Variants in SLC25A26 observed in about 807,000 individuals in gnomAD.
SLC25A26 encodes mitochondrial S-adenosylmethionine carrier protein.
A neutral mutation model predicts 37.8 loss-of-function variants in SLC25A26; 36 were observed. The ratio of observed to expected loss-of-function variants is 0.95; its 90% CI spans 0.73 to 1.26. SLC25A26 has a LOEUF of 1.26. SLC25A26 is among the 50% of genes most tolerant of loss of function. SLC25A26 has a pLI of 0.00. For missense variants in SLC25A26, 390 were observed against 331.1 expected (o/e 1.18, Z -1.38); for synonymous variants, 129 against 122.5 (o/e 1.05, Z -0.35).
At chr3:66,190,567 T>G (rs2070921480) in intron 1 of SLC25A26, among the ~76,000 whole-genome samples, 1 of 152,156 alleles carries the variant, frequency 6.6e-6, no homozygotes, top group Admixed American at 6.5e-5. Flanking sequence ...TAGCTGGGAT[T>G]ACAGGTGTGC....
At position 66,296,754 on chromosome 3, in the gene SLC25A26, A is replaced by G. The variant is rs559638366; in HGVS notation, c.453+33375A>G. The stretch of plus-strand genomic sequence containing the variant: ...TTTAACTTAAGTTTCATAGTTTACT[A>G]CCTCTTTTGGCTCTTAACCATAATT... On this transcript the variant is annotated intron_variant, in intron 5 of 9. Coordinates refer to ENST00000354883, the MANE Select transcript of SLC25A26 (RefSeq NM_001379210.1). Among the ~76,000 whole-genome samples the G allele has an allele frequency of 1.0e-3, 153 of 152,340 alleles. 1 individual carries two copies. Among genetic ancestry groups the G allele is most frequent in the Middle Eastern group, 3.4e-3 (1 of 294 alleles).
Position 66,240,673 on chromosome 3 carries a change from T to C in SLC25A26, c.191-2530T>C, listed in dbSNP as rs140425056. On this transcript the variant is annotated intron_variant, in intron 2 of 9. Coordinates refer to ENST00000354883, the MANE Select transcript of SLC25A26 (RefSeq NM_001379210.1). ...ATGAATTTTAACTTTTTATATTTTA[T>C]GTTAGTAAATGATAAAATAGGCTAG... is the stretch of plus-strand genomic sequence containing the variant. Among the ~76,000 whole-genome samples, 161 of 152,238 alleles carry C rather than the reference T, an allele frequency of 1.1e-3. 2 individuals are homozygous for C. The highest frequency in any genetic ancestry group is 3.7e-3 in the African/African-American group (154 of 41,562).
intron 3 of SLC25A26, among the ~76,000 whole-genome samples, chr3:66,249,102 T>C (rs2072974297): frequency 1.3e-5 from 2 of 152,248 alleles, no homozygotes; most frequent in Admixed American, 1.3e-4. Flanking sequence ...ATTCTTTCTG[T>C]TCTCCTCAAA....
intron 5 of SLC25A26, among the ~76,000 whole-genome samples, chr3:66,342,458 T>C (rs186753611): frequency 6.6e-6 from 1 of 152,314 alleles, no homozygotes; most frequent in East Asian, 1.9e-4. Context: ...AATAGAATGT[T>C]AGGGCTAAAT....
chr3:66,338,037 G>A (rs1179504436), intron 5 of SLC25A26, among the ~76,000 whole-genome samples: 1 of 151,850 alleles, frequency 6.6e-6, no homozygotes, highest in African/African-American at 2.4e-5. Flanking sequence ...CTCATCTTCA[G>A]TCCCATTCTG....
intron 4 of SLC25A26, 142 bp from the exon 5 acceptor site, chr3:66,263,190 A>G (rs2073598193): frequency 3.0e-6 from 2 of 672,188 alleles, no homozygotes; most frequent in Non-Finnish European, 5.4e-6. Context: ...AGGACAGTTT[A>G]GAATCATTAA....
At chr3:66,324,513 T>G (rs2075785468) in intron 5 of SLC25A26, among the ~76,000 whole-genome samples, 1 of 152,188 alleles carries the variant, frequency 6.6e-6, no homozygotes, top group Non-Finnish European at 1.5e-5. Context: ...GCATGATTCC[T>G]GAGCCATAAT....
chr3:66,298,907 C>A (rs1228835473), intron 5 of SLC25A26, among the ~76,000 whole-genome samples: 1 of 152,188 alleles, frequency 6.6e-6, no homozygotes, highest in African/African-American at 2.4e-5. Context: ...TTTCCCTCCC[C>A]CAGATCCCAA....
intron 1 of SLC25A26, among the ~76,000 whole-genome samples, chr3:66,161,790 A>G (rs1559555722): frequency 6.6e-6 from 1 of 152,312 alleles, no homozygotes; most frequent in South Asian, 2.1e-4. Context: ...AGAGACACAC[A>G]GTCCCTGACT....
intron 5 of SLC25A26, among the ~76,000 whole-genome samples, chr3:66,315,335 T>G (rs1212795081): frequency 6.6e-6 from 1 of 152,210 alleles, no homozygotes; most frequent in East Asian, 1.9e-4. Context: ...TTGTTCTTAC[T>G]GATTTCAAAT....
intron 1 of SLC25A26, among the ~76,000 whole-genome samples, chr3:66,163,260 C>T (rs944628211): frequency 6.6e-6 from 1 of 152,142 alleles, no homozygotes; most frequent in Non-Finnish European, 1.5e-5. Context: ...CTGTCAGGGG[C>T]CAGCATTTGA....
chr3:66,201,125 T>G (rs1197279172), intron 1 of SLC25A26, among the ~76,000 whole-genome samples: 1 of 152,074 alleles, frequency 6.6e-6, no homozygotes, highest in African/African-American at 2.4e-5. Context: ...TTTTTCCTCC[T>G]TACCAGGGGA....
intron 5 of SLC25A26, among the ~76,000 whole-genome samples, chr3:66,328,698 C>T (rs2075898834): frequency 2.6e-5 from 4 of 152,124 alleles, no homozygotes; most frequent in African/African-American, 9.7e-5. Flanking sequence ...GCCTGTGTGT[C>T]TTGAACATTT....
intron 1 of SLC25A26, among the ~76,000 whole-genome samples, chr3:66,207,838 G>A (rs2071200817): frequency 6.6e-6 from 1 of 152,118 alleles, no homozygotes; most frequent in Admixed American, 6.5e-5. Flanking sequence ...TTAAGAAATA[G>A]AAGTGGAAAA....
At chr3:66,329,101 G>A (rs192331028) in intron 5 of SLC25A26, among the ~76,000 whole-genome samples, 143 of 152,246 alleles carry the variant, frequency 9.4e-4, no homozygotes, top group African/African-American at 3.2e-3. Flanking sequence ...TTTTAAAGAC[G>A]TGAAATATGG....
chr3:66,361,108 A>C (rs940610985), intron 6 of SLC25A26, among the ~76,000 whole-genome samples: 11 of 152,226 alleles, frequency 7.2e-5, no homozygotes, highest in African/African-American at 2.7e-4. Flanking sequence ...TGGACAATTG[A>C]TTTTTGACAA....
intron 5 of SLC25A26, among the ~76,000 whole-genome samples, chr3:66,300,118 G>A (rs1337394775): frequency 6.6e-6 from 1 of 152,138 alleles, no homozygotes; most frequent in Middle Eastern, 3.2e-3. Flanking sequence ...AAATGCCCGT[G>A]TAAAAGGGTT....
chr3:66,137,113 C>G (rs2069957426), intron 1 of SLC25A26, among the ~76,000 whole-genome samples: 1 of 151,918 alleles, frequency 6.6e-6, no homozygotes, highest in African/African-American at 2.4e-5. Flanking sequence ...GATGTGAGCT[C>G]TTTCCTGCCA....
intron 9 of SLC25A26, among the ~76,000 whole-genome samples, chr3:66,373,067 C>T (rs1700439159): frequency 6.6e-6 from 1 of 152,190 alleles, no homozygotes; most frequent in South Asian, 2.1e-4. Flanking sequence ...TAAACAAACA[C>T]CGCGTGTTCA....
Sources: gnomAD v4.1 joint callset for allele counts (sites outside exome capture counted in the v4.1 genomes callset) on GRCh38, gnomAD v4.1.1 for gene constraint, MANE v1.5 for transcripts, NCBI Gene and HGNC (gene_info 2026-07-23, HGNC 2026-07-21) for gene names.